Variants in PLS1 observed in about 807,000 individuals in gnomAD.
PLS1 encodes plastin 1, also known as plastin-1.
In PLS1, 32 loss-of-function variants were observed where a neutral mutation model predicts 73.7. The ratio of observed to expected loss-of-function variants is 0.43; its 90% CI spans 0.33 to 0.58. The LOEUF is 0.58. Among genes scored for constraint, PLS1 ranks in the 20% least tolerant of loss-of-function variants. PLS1 has a pLI of 0.04. For synonymous variants in PLS1, 217 were observed against 261.3 expected (o/e 0.83, Z 1.63); for missense variants, 633 against 740.5 (o/e 0.85, Z 1.68).
At chr3:142,699,183 G>C (rs1189681260) in intron 12 of PLS1, among the ~76,000 whole-genome samples, 1 of 152,178 alleles carries the variant, frequency 6.6e-6, no homozygotes, top group Non-Finnish European at 1.5e-5. Context: ...ATGGGGGCCA[G>C]GTGCAGTGGC....
At chr3:142,695,801 T>C (rs2038185824) in intron 11 of PLS1, among the ~76,000 whole-genome samples, 1 of 145,348 alleles carries the variant, frequency 6.9e-6, no homozygotes, top group African/African-American at 2.6e-5. Flanking sequence ...TATTTATTTA[T>C]TTATTTATTT....
chr3:142,699,795 C>G (rs1012236766), intron 12 of PLS1, among the ~76,000 whole-genome samples: 2 of 151,988 alleles, frequency 1.3e-5, no homozygotes, highest in African/African-American at 4.8e-5. Flanking sequence ...TTTTAAAAGA[C>G]TTTTAAAGGG....
At chr3:142,680,029 T>C (rs1367005175) in intron 6 of PLS1, among the ~76,000 whole-genome samples, 1 of 152,164 alleles carries the variant, frequency 6.6e-6, no homozygotes, top group Non-Finnish European at 1.5e-5. Flanking sequence ...TTATTCTCTT[T>C]GAAGCAATTG....
At chr3:142,698,405 T>C (rs2038256522) in intron 12 of PLS1, 1 of 182,278 alleles carries the variant, frequency 5.5e-6, no homozygotes, top group Admixed American at 6.1e-5. Context: ...ATTTATCAAT[T>C]ACCTAATACC....
At chr3:142,607,735 T>A (rs935304166) in intron 1 of PLS1, among the ~76,000 whole-genome samples, 1 of 152,218 alleles carries the variant, frequency 6.6e-6, no homozygotes, top group African/African-American at 2.4e-5. Flanking sequence ...GGATACCACA[T>A]GACATTTAGT....
intron 1 of PLS1, chr3:142,623,493 C>T (rs2036356766): frequency 6.6e-6 from 1 of 152,168 alleles, no homozygotes; most frequent in Non-Finnish European, 1.5e-5. Flanking sequence ...CTTAGGAAGA[C>T]TGAATTTTAA....
intron 1 of PLS1, among the ~76,000 whole-genome samples, chr3:142,603,643 G>A (rs772529152): frequency 2.0e-4 from 30 of 152,086 alleles, no homozygotes; most frequent in Admixed American, 1.5e-3. Context: ...ATGGTGGCGC[G>A]TGCCTGTAGT....
At chr3:142,692,622 T>C (rs1282423117) in intron 10 of PLS1, among the ~76,000 whole-genome samples, 1 of 152,072 alleles carries the variant, frequency 6.6e-6, no homozygotes, top group Non-Finnish European at 1.5e-5. Flanking sequence ...TTGAGAACAA[T>C]AGGAAGAAAT....
intron 12 of PLS1, 63 bp downstream of exon 12, chr3:142,698,130 G>A (rs557082903): frequency 2.1e-6 from 2 of 959,598 alleles, no homozygotes; most frequent in South Asian, 1.4e-5. Flanking sequence ...AGAATTTAGA[G>A]TTTCATGAAG....
At chr3:142,668,859 C>T in intron 2 of PLS1, among the ~76,000 whole-genome samples, 1 of 152,058 alleles carries the variant, frequency 6.6e-6, no homozygotes. Flanking sequence ...ACCTCGGCCT[C>T]CCAAAGTGCT....
chr3:142,610,809 G>T (rs913354441), intron 1 of PLS1, among the ~76,000 whole-genome samples: 10 of 152,110 alleles, frequency 6.6e-5, no homozygotes, highest in African/African-American at 2.4e-4. Context: ...CATATGAGGA[G>T]CCCCATCTCA....
chr3:142,663,396 A>T (rs754058563), intron 1 of PLS1, among the ~76,000 whole-genome samples: 1 of 152,062 alleles, frequency 6.6e-6, no homozygotes, highest in Non-Finnish European at 1.5e-5. Flanking sequence ...AGTTTTACAT[A>T]ATTTTTTCCT....
chr3:142,679,643 T>G (rs1387175416), intron 6 of PLS1, among the ~76,000 whole-genome samples: 1 of 151,234 alleles, frequency 6.6e-6, no homozygotes, highest in Non-Finnish European at 1.5e-5. Context: ...ATCTCTGTTT[T>G]GGTACCAGTA....
At chr3:142,711,664 T>A in intron 15 of PLS1, 39 bp downstream of exon 15, 1 of 1,536,374 alleles carries the variant, frequency 6.5e-7, no homozygotes, top group Non-Finnish European at 8.9e-7. Context: ...CATGGCCCTT[T>A]AATTCTCTAA....
chr3:142,699,538 T>A (rs2038282805), intron 12 of PLS1, among the ~76,000 whole-genome samples: 1 of 152,208 alleles, frequency 6.6e-6, no homozygotes, highest in Non-Finnish European at 1.5e-5. Context: ...TGTATACCTA[T>A]GTTAACTATC....
chr3:142,674,201 A>C lies in PLS1; in HGVS notation c.365-1956A>C, dbSNP rs190247632. Among the ~76,000 whole-genome samples the C allele has an allele frequency of 1.5e-3, 221 of 152,312 alleles. 2 individuals are homozygous for C. Among genetic ancestry groups the C allele is most frequent in the African/African-American group, 5.0e-3 (208 of 41,576 alleles). ...TATATTTGTTTTACAATTACACTAA[A>C]AAATTCCTCAATGGCAGATACAGTA... is the stretch of plus-strand genomic sequence containing the variant. On this transcript the variant is annotated intron_variant, in intron 4 of 15. Coordinates refer to ENST00000457734, the MANE Select transcript of PLS1 (RefSeq NM_001145319.2).
chr3:142,687,178 G>A (rs2037987329), intron 9 of PLS1, among the ~76,000 whole-genome samples: 1 of 150,868 alleles, frequency 6.6e-6, no homozygotes, highest in South Asian at 2.1e-4. Flanking sequence ...GAATTGTCTT[G>A]GGCCACACAT....
intron 1 of PLS1, among the ~76,000 whole-genome samples, chr3:142,644,793 A>C (rs1022716908): frequency 1.3e-5 from 2 of 152,202 alleles, no homozygotes; most frequent in Non-Finnish European, 2.9e-5. Context: ...TGGATGTGGA[A>C]CTGCTTTGGA....
At position 142,655,293 on chromosome 3, in the gene PLS1, C is replaced by T. The variant is rs888295869; in HGVS notation, c.-36-8909C>T. 3.9e-5 allele frequency among the ~76,000 whole-genome samples: 6 copies of T among 151,972 alleles called. No individual in the cohort carries two copies. The South Asian group carries it at 6.2e-4, about 16-fold the overall frequency. Reference sequence around the variant, plus strand: ...CAAGTTGAGAGTGGAGAACAGAGACCGCATTAATTTGGCAATGTGGGGTAT... The same window carrying T: ...CAAGTTGAGAGTGGAGAACAGAGACTGCATTAATTTGGCAATGTGGGGTAT... On this transcript the variant is annotated intron_variant, in intron 1 of 15. Transcript: ENST00000457734.
Sources: gnomAD v4.1 joint callset for allele counts (sites outside exome capture counted in the v4.1 genomes callset) on GRCh38, gnomAD v4.1.1 for gene constraint, MANE v1.5 for transcripts, NCBI Gene and HGNC (gene_info 2026-07-23, HGNC 2026-07-21) for gene names.